Variants in NEMF observed in about 807,000 individuals in gnomAD.
NEMF encodes the protein nuclear export mediator factor.
Under a neutral mutation model 162.2 loss-of-function variants are expected in NEMF, and 89 were observed. That is an observed-to-expected ratio of 0.55 (90% CI 0.46 to 0.65). The LOEUF (loss-of-function observed/expected upper bound fraction) is 0.65, where lower values mean the gene tolerates loss of function less well. Among genes scored for constraint, NEMF ranks in the 30% least tolerant of loss-of-function variants. The pLI is 0.00. For missense variants in NEMF, 1,133 were observed against 1,261.9 expected, an observed-to-expected ratio of 0.90 and a Z score of 1.55; for synonymous variants, 421 against 404.5, an observed-to-expected ratio of 1.04 and a Z score of -0.49.
intron 19 of NEMF, among the ~76,000 whole-genome samples, chr14:49,805,059 C>T (rs1370886005): frequency 6.6e-6 from 1 of 151,956 alleles, no homozygotes; most frequent in African/African-American, 2.4e-5. Context: ...AAAAAACCAG[C>T]AAGGGATTAA....
chr14:49,789,521 C>T lies in NEMF; in HGVS notation c.2672G>A (p.Arg891His), dbSNP rs1221954941. ...EKYKDQDEED[R>H]ELIMKLLGSA... ...CCCCAGCAACTTCATGATAAGTTCA[C>T]GGTCTTCTTCATCCTGGTCTTTGTA... is the stretch of plus-strand genomic sequence containing the variant. Residue 891 changes from arginine to histidine, a missense_variant, in exon 27 of 33, where the codon CGT becomes CAT. Transcript: ENST00000298310. 5.0e-6 allele frequency: 8 copies of T among 1,612,338 alleles called. No individual in the cohort carries two copies. Among genetic ancestry groups the T allele is most frequent in the South Asian group, 3.3e-5 (3 of 90,262 alleles).
chr14:49,804,501 C>T (rs186681311), intron 19 of NEMF, among the ~76,000 whole-genome samples: 1 of 151,692 alleles, frequency 6.6e-6, no homozygotes, highest in Non-Finnish European at 1.5e-5. Flanking sequence ...GATGGTGAAA[C>T]CCTGTCTCTA....
chr14:49,816,386 T>C (rs1445189584), intron 16 of NEMF, among the ~76,000 whole-genome samples: 1 of 152,246 alleles, frequency 6.6e-6, no homozygotes, highest in African/African-American at 2.4e-5. Flanking sequence ...TTTGCCCTTG[T>C]CCTGTTTCCT....
At chr14:49,846,321 G>C in intron 3 of NEMF, 56 bp from the exon 4 acceptor site, 1 of 1,530,038 alleles carries the variant, frequency 6.5e-7, no homozygotes, top group East Asian at 2.3e-5. Flanking sequence ...CTAACCATTT[G>C]GTATTGGTTT....
chr14:49,825,383 G>A (rs375849673), intron 16 of NEMF, among the ~76,000 whole-genome samples: 1 of 152,090 alleles, frequency 6.6e-6, no homozygotes, highest in African/African-American at 2.4e-5. Flanking sequence ...AATATCAAAA[G>A]AATCAACTAA....
Position 49,806,070 on chromosome 14 carries a change from G to A in NEMF, c.1808C>T (p.Ala603Val). 2 of 1,611,752 alleles carry A rather than the reference G, an allele frequency of 1.2e-6. No individual in the cohort carries two copies. Among genetic ancestry groups the A allele is most frequent in the Non-Finnish European group, 1.7e-6 (2 of 1,179,198 alleles). ...AGTMALCYSA[A>V]WDARVITSAW... ...ACTAGTGATAACTCGTGCATCCCAA[G>A]CAGCACTGTAGCAAAGTGCCATTGT... The change falls in exon 19 of 33, where the codon GCT becomes GTT. Residue 603 changes from alanine (A) to valine (V), a missense_variant. This residue lies in a region of NEMF where 532 missense variants were observed against 578.6 expected (regional missense o/e 0.92). Transcript: ENST00000298310.
chr14:49,786,600 C>G (rs774234024), intron 29 of NEMF, 118 bp downstream of exon 29: 12 of 952,452 alleles, frequency 1.3e-5, no homozygotes, highest in Non-Finnish European at 2.0e-5. Flanking sequence ...GAAAGTTTGA[C>G]TTCGTAGCCT....
At chr14:49,815,523 T>C (rs1348154202) in intron 16 of NEMF, among the ~76,000 whole-genome samples, 1 of 152,218 alleles carries the variant, frequency 6.6e-6, no homozygotes, top group Non-Finnish European at 1.5e-5. Flanking sequence ...ATCCACACTT[T>C]TTAAAACTTT....
intron 16 of NEMF, among the ~76,000 whole-genome samples, chr14:49,816,261 C>T (rs964721424): frequency 5.9e-5 from 9 of 152,182 alleles, no homozygotes; most frequent in East Asian, 1.9e-4. Flanking sequence ...CAATTTCTTA[C>T]GCCTGTCTTA....
intron 28 of NEMF, among the ~76,000 whole-genome samples, 197 bp downstream of exon 28, chr14:49,788,949 G>A (rs1237538430): frequency 6.6e-6 from 1 of 152,078 alleles, no homozygotes. Flanking sequence ...ATTGTTATCA[G>A]CTATCAGTAC....
chr14:49,847,782 A>G (rs903391246), intron 3 of NEMF, among the ~76,000 whole-genome samples: 62 of 149,764 alleles, frequency 4.1e-4, no homozygotes, highest in African/African-American at 1.1e-3. Flanking sequence ...CTGTAATCCC[A>G]ACACTTTGGG....
At chr14:49,802,187 T>A (rs889495379) in intron 22 of NEMF, among the ~76,000 whole-genome samples, 5 of 151,622 alleles carry the variant, frequency 3.3e-5, no homozygotes, top group African/African-American at 1.2e-4. Context: ...GCTCTAGCAA[T>A]CCACCTGCCT....
At chr14:49,796,802 C>T (rs1170383233) in intron 25 of NEMF, among the ~76,000 whole-genome samples, 1 of 152,208 alleles carries the variant, frequency 6.6e-6, no homozygotes, top group Non-Finnish European at 1.5e-5. Context: ...CCATTTAATA[C>T]ACAAACTTTC....
chr14:49,789,174 A>G lies in NEMF; in HGVS notation c.2867T>C (p.Phe956Ser), dbSNP rs1192184683. The G allele has an allele frequency of 1.9e-6, 3 of 1,613,832 alleles. No individual in the cohort carries two copies. In the East Asian group the frequency reaches 6.7e-5, roughly 36 times the overall value. ...LEVITHELQD[F>S]AVDDPHDDKE... ...GTCATCATGTGGATCATCTACAGCA[A>G]AGTCTTGTAACTCATGAGTTATAAC... is the stretch of plus-strand genomic sequence containing the variant. The change falls in exon 28 of 33, where the codon TTT becomes TCT. Residue 956 changes from phenylalanine to serine, a missense_variant. Around this residue, in one of 3 missense-constraint regions of NEMF, gnomAD observed 532 missense variants for 578.6 expected, o/e 0.92. Coordinates refer to ENST00000298310, the MANE Select transcript of NEMF (RefSeq NM_004713.6).
chr14:49,852,558 G>A lies in NEMF; in HGVS notation c.59+137C>T, dbSNP rs1566719171. ...GTCACGGGAAAGACACCACACGCCT[G>A]CCCACTCAGGCCTAGGCAGGTCCAT... On this transcript the variant is annotated intron_variant, in intron 1 of 32. Coordinates refer to ENST00000298310, the MANE Select transcript of NEMF (RefSeq NM_004713.6). The A allele has an allele frequency of 1.5e-5, 13 of 880,914 alleles. No individual in the cohort carries two copies. In the East Asian group the frequency reaches 3.2e-4, roughly 22 times the overall value. The allele number at this position is 880,914 out of a possible 1,614,324, so 54.6% of individuals were successfully genotyped here.
At chr14:49,828,395 T>C (rs1453363822) in intron 14 of NEMF, 41 bp from the exon 15 acceptor site, 5 of 1,304,736 alleles carry the variant, frequency 3.8e-6, no homozygotes, top group Admixed American at 2.0e-5. Flanking sequence ...GTATAATATT[T>C]ATTCTTCAGT....
intron 18 of NEMF, 46 bp downstream of exon 18, chr14:49,813,942 T>TCACA: frequency 8.6e-7 from 1 of 1,160,470 alleles, no homozygotes. Context: ...ACTAAAAATA[T>TCACA]TTTAAAGAAA....
intron 19 of NEMF, among the ~76,000 whole-genome samples, 177 bp from the exon 20 acceptor site, chr14:49,803,471 G>T (rs183153540): frequency 1.3e-3 from 196 of 151,372 alleles, no homozygotes; most frequent in African/African-American, 4.6e-3. Flanking sequence ...TGACAGATAA[G>T]CCTTTGGAAG....
Position 49,814,737 on chromosome 14 carries a change from A to G in NEMF, c.1681+17T>C. On this transcript the variant is annotated intron_variant, in intron 17 of 32. Transcript: ENST00000298310. ...AACATTCAAGAGAAAATTTTTCCGA[A>G]TTTTAATCTTACCTACCTGGTGTCA... The G allele has an allele frequency of 6.7e-7, 1 of 1,483,096 alleles. No homozygotes were observed. The highest frequency in any genetic ancestry group is 9.1e-7 in the Non-Finnish European group (1 of 1,094,562). The allele number at this position is 1,483,096 out of a possible 1,614,324, so 91.9% of individuals were successfully genotyped here.
Sources: gnomAD v4.1 joint callset for allele counts (sites outside exome capture counted in the v4.1 genomes callset) on GRCh38, gnomAD v4.1.1 for gene constraint, gnomAD v4.1.1 regional missense constraint, MANE v1.5 for transcripts, NCBI Gene and HGNC (gene_info 2026-07-23, HGNC 2026-07-21) for gene names.